The following NUP155 variants were observed in gnomAD, a reference collection of about 807,000 sequenced individuals.
The protein encoded by NUP155 is nucleoporin 155.
A neutral mutation model predicts 180.4 loss-of-function variants in NUP155; 71 were observed. That is an observed-to-expected ratio of 0.39 (90% CI 0.33 to 0.48). The LOEUF (loss-of-function observed/expected upper bound fraction) is 0.48. Ranked by LOEUF, NUP155 falls within the 20% of genes least tolerant of loss-of-function variation. The pLI is 0.91. For missense variants in NUP155, 1,553 were observed against 1,648.9 expected (o/e 0.94, Z 1.01); for synonymous variants, 582 against 559.5 (o/e 1.04, Z -0.57).
Position 37,364,220 on chromosome 5 carries a change from T to C in NUP155, c.295+27A>G, listed in dbSNP as rs376410037. ...TGAAAAATACCAATTTTAACATTTT[T>C]AAAATAAATACAAAGTAATAGGATA... On this transcript the variant is annotated intron_variant, in intron 2 of 34. Transcript: ENST00000231498. The C allele has an allele frequency of 1.4e-3, 2,143 of 1,564,894 alleles. 43 individuals carry two copies. In the South Asian group the frequency reaches 0.023, roughly 17 times the overall value.
rs1223902088 is a variant in NUP155, at chr5:37,358,167, G to GA, written c.393-17dup. On this transcript the variant is annotated splice_polypyrimidine_tract_variant and intron_variant, in intron 3 of 34. Coordinates refer to ENST00000231498, the MANE Select transcript of NUP155 (RefSeq NM_153485.3). ...AAGGTCTCCTCTGTGAATAAATGAA[G>GA]AAAAACATGTTACACATATAAAGCA... 3 of 1,586,256 alleles carry GA rather than the reference G, an allele frequency of 1.9e-6. No homozygotes were observed. The highest frequency in any genetic ancestry group is 2.6e-6 in the Non-Finnish European group (3 of 1,154,932).
chr5:37,360,390 C>G (rs911979522), intron 3 of NUP155, among the ~76,000 whole-genome samples: 27 of 151,846 alleles, frequency 1.8e-4, no homozygotes, highest in Admixed American at 7.2e-4. Flanking sequence ...GAGGCTGAGG[C>G]AGGGGAATTA....
intron 3 of NUP155, among the ~76,000 whole-genome samples, chr5:37,361,031 G>A (rs1561815054): frequency 6.6e-6 from 1 of 152,104 alleles, no homozygotes; most frequent in Non-Finnish European, 1.5e-5. Context: ...CACTTTGGGA[G>A]GCCCAGGAGG....
intron 1 of NUP155, among the ~76,000 whole-genome samples, chr5:37,365,436 G>A (rs535528373): frequency 6.6e-4 from 98 of 148,952 alleles, no homozygotes; most frequent in African/African-American, 2.2e-3. Flanking sequence ...CGTTGGGCGC[G>A]GTAGCTCACG....
chr5:37,348,367 G>A, intron 9 of NUP155, 138 bp downstream of exon 9: 2 of 684,642 alleles, frequency 2.9e-6, no homozygotes, highest in Non-Finnish European at 5.4e-6. Flanking sequence ...CAAACATAAT[G>A]TAGAGTGTCA....
chr5:37,320,408 CG>C (rs1286378286), intron 20 of NUP155, among the ~76,000 whole-genome samples: 1 of 152,026 alleles, frequency 6.6e-6, no homozygotes, highest in Non-Finnish European at 1.5e-5. Flanking sequence ...ACCCGGGAGG[CG>C]GAGGTTGCGG....
chr5:37,335,797 A>G (rs1401183145), intron 12 of NUP155, among the ~76,000 whole-genome samples: 2 of 151,966 alleles, frequency 1.3e-5, no homozygotes. Flanking sequence ...TAAAAATACA[A>G]AAAAATTAGA....
intron 4 of NUP155, 131 bp downstream of exon 4, chr5:37,357,950 G>T (rs1489069359): frequency 9.0e-6 from 6 of 666,474 alleles, no homozygotes; most frequent in Non-Finnish European, 1.4e-5. Flanking sequence ...CCAAGATTGC[G>T]CCACTGCACT....
chr5:37,299,337 C>G, intron 31 of NUP155, 111 bp downstream of exon 31: 1 of 1,330,438 alleles, frequency 7.5e-7, no homozygotes, highest in Non-Finnish European at 1.1e-6. Flanking sequence ...TAGGTATACA[C>G]AATTTTCATG....
chr5:37,341,960 C>T (rs1464279934), intron 10 of NUP155, among the ~76,000 whole-genome samples: 1 of 152,200 alleles, frequency 6.6e-6, no homozygotes, highest in Non-Finnish European at 1.5e-5. Context: ...CAAAGACAAA[C>T]CAAGAAATCT....
intron 12 of NUP155, among the ~76,000 whole-genome samples, chr5:37,335,246 T>C (rs1745249739): frequency 6.6e-6 from 1 of 151,376 alleles, no homozygotes; most frequent in Admixed American, 6.6e-5. Context: ...CTCGGTGTGG[T>C]GGCGTGTGCC....
Position 37,303,241 on chromosome 5 carries a change from T to G in NUP155, c.3317+19A>C. On this transcript the variant is annotated intron_variant, in intron 28 of 34. Transcript: ENST00000231498. ...CTCAGTTTTGAATCATTCTTCACAA[T>G]AAGAATATTATGCCATACCTATGCA... The G allele has an allele frequency of 1.2e-6, 2 of 1,611,708 alleles. No homozygotes were observed. The highest frequency in any genetic ancestry group is 8.5e-7 in the Non-Finnish European group (1 of 1,177,848).
At chr5:37,307,953 ATATATAT>A (rs764632943) in intron 24 of NUP155, among the ~76,000 whole-genome samples, 6 of 114,502 alleles carry the variant, frequency 5.2e-5, no homozygotes, top group Admixed American at 9.1e-5. Flanking sequence ...AAAAAAAAAA[ATATATAT>A]ATATATATAT....
At chr5:37,360,750 C>T (rs1747151958) in intron 3 of NUP155, among the ~76,000 whole-genome samples, 1 of 149,154 alleles carries the variant, frequency 6.7e-6, no homozygotes, top group African/African-American at 2.5e-5. Context: ...CATGCCACTG[C>T]ACTCCAGCCT....
chr5:37,304,670 T>C, intron 27 of NUP155, 69 bp downstream of exon 27: 1 of 1,100,370 alleles, frequency 9.1e-7, no homozygotes, highest in Non-Finnish European at 1.4e-6. Context: ...TACATCTATA[T>C]ATGTGCTTAA....
chr5:37,327,679 C>T lies in NUP155; in HGVS notation c.1974G>A (p.Val658=), dbSNP rs61756011. 1,767 of 1,614,096 alleles carry T rather than the reference C, an allele frequency of 1.1e-3. 18 individuals carry two copies. The highest frequency in any genetic ancestry group is 8.2e-3 in the South Asian group (746 of 91,080). The change falls in exon 18 of 35, where the codon GTG becomes GTA. Residue 658 remains valine (V), a synonymous_variant. Transcript: ENST00000231498. The part of the protein sequence containing the change: ...NMSCVTGPEI[V]YSGKHNGICI... Reference sequence around the variant, plus strand: ...AAATACCATTGTGTTTTCCAGAGTACACAATCTCTGGTCCAGTCACACAAC... The same window carrying T: ...AAATACCATTGTGTTTTCCAGAGTATACAATCTCTGGTCCAGTCACACAAC...
intron 20 of NUP155, among the ~76,000 whole-genome samples, chr5:37,318,653 A>C (rs1162464171): frequency 6.6e-6 from 1 of 152,212 alleles, no homozygotes; most frequent in Admixed American, 6.5e-5. Context: ...CGTGAAAGCC[A>C]AAACACTTCT....
At chr5:37,299,638 C>G in intron 30 of NUP155, 70 bp from the exon 31 acceptor site, 1 of 1,460,896 alleles carries the variant, frequency 6.8e-7, no homozygotes, top group Non-Finnish European at 9.6e-7. Flanking sequence ...GTGAAGCACT[C>G]CTTGAAAATT....
Position 37,301,526 on chromosome 5 carries a change from G to C in NUP155, c.3472C>G (p.Gln1158Glu), listed in dbSNP as rs1195455916. ...MEVARIQLQI[Q>E]ETLQRQYSHH... ...GAATACTGCCTTTGTAGTGTCTCCTGTATCTGAAGTTGGATCCTAGCAACC... is the reference window on the plus strand; with the variant it reads ...GAATACTGCCTTTGTAGTGTCTCCTCTATCTGAAGTTGGATCCTAGCAACC... The change falls in exon 30 of 35, where the codon CAG (glutamine) becomes GAG (glutamate). Residue 1158 changes from glutamine to glutamate, a missense_variant. Physicochemically the swap from Gln to Glu is conservative, Grantham distance 29 (BLOSUM62 2). Coordinates refer to ENST00000231498, the MANE Select transcript of NUP155 (RefSeq NM_153485.3). 3 of 1,612,514 alleles carry C rather than the reference G, an allele frequency of 1.9e-6. No homozygotes were observed. The highest frequency in any genetic ancestry group is 2.5e-6 in the Non-Finnish European group (3 of 1,178,692).
Sources: gnomAD v4.1 joint callset for allele counts (sites outside exome capture counted in the v4.1 genomes callset) on GRCh38, gnomAD v4.1.1 for gene constraint, MANE v1.5 for transcripts, NCBI Gene and HGNC (gene_info 2026-07-23, HGNC 2026-07-21) for gene names.